NREP: variants seen among roughly 807,000 people sequenced by gnomAD.
NREP encodes the protein neuronal regeneration related protein, also known as neuronal regeneration-related protein.
NREP carries 5 observed loss-of-function variants against 8.6 expected under a neutral mutation model. The observed-to-expected ratio is 0.58, with a 90% CI of 0.30 to 1.22. NREP has a LOEUF of 1.22. NREP is among the 50% of genes most tolerant of loss of function. The probability of loss-of-function intolerance (pLI) is 0.07; values close to 1 mark genes in which losing one functional copy is unlikely to be tolerated. For synonymous variants in NREP, 27 were observed against 28.0 expected, an observed-to-expected ratio of 0.96 and a Z score of 0.11; for missense variants, 86 against 82.5, an observed-to-expected ratio of 1.04 and a Z score of -0.17.
At chr5:111,777,117 A>G (rs2112879026) in intron 2 of NREP, among the ~76,000 whole-genome samples, 1 of 152,166 alleles carries the variant, frequency 6.6e-6, no homozygotes, top group African/African-American at 2.4e-5. Context: ...TTGTTAAGTG[A>G]AAGTATTTCT....
chr5:111,757,686 C>T (rs1464575946), upstream of NREP: 1 of 984,040 alleles, frequency 1.0e-6, no homozygotes, highest in Non-Finnish European at 1.2e-6. Context: ...CCGCGCGGCG[C>T]CCCGGGGAGA....
intron 2 of NREP, among the ~76,000 whole-genome samples, chr5:111,881,597 A>G (rs539528028): frequency 7.9e-5 from 12 of 152,258 alleles, no homozygotes; most frequent in African/African-American, 2.6e-4. Flanking sequence ...GGGCAGACTG[A>G]CACCTCACAC....
intron 2 of NREP, among the ~76,000 whole-genome samples, chr5:111,771,892 A>G (rs1751239070): frequency 6.6e-6 from 1 of 152,204 alleles, no homozygotes; most frequent in African/African-American, 2.4e-5. Context: ...GAACTATATT[A>G]CTTCGATTTT....
chr5:111,872,492 A>T (rs1198802820), intron 2 of NREP, among the ~76,000 whole-genome samples: 2 of 152,102 alleles, frequency 1.3e-5, no homozygotes, highest in African/African-American at 4.8e-5. Context: ...TTGCCACATA[A>T]AATTAATCAT....
At chr5:111,732,005 C>G (rs1418383509) in intron 3 of NREP, 1 of 152,160 alleles carries the variant, frequency 6.6e-6, no homozygotes, top group Non-Finnish European at 1.5e-5. Flanking sequence ...TGACGATGGT[C>G]TCTCTTTCAG....
intron 2 of NREP, among the ~76,000 whole-genome samples, chr5:111,837,788 G>A (rs1752930129): frequency 6.6e-6 from 1 of 151,998 alleles, no homozygotes; most frequent in South Asian, 2.1e-4. Flanking sequence ...TTCATATGGT[G>A]GCAAAGTAGC....
chr5:111,969,266 A>C (rs1756734458), intron 2 of NREP, among the ~76,000 whole-genome samples: 2 of 152,244 alleles, frequency 1.3e-5, no homozygotes, highest in South Asian at 4.1e-4. Flanking sequence ...AAATACACTG[A>C]AAGGGAGAAA....
intron 2 of NREP, among the ~76,000 whole-genome samples, chr5:111,764,511 A>ACT (rs1486014908): frequency 6.6e-6 from 1 of 152,094 alleles, no homozygotes; most frequent in East Asian, 1.9e-4. Context: ...ACTTTATAAA[A>ACT]CCATTAGATC....
intron 2 of NREP, among the ~76,000 whole-genome samples, chr5:111,801,609 A>C (rs925683799): frequency 6.6e-6 from 1 of 152,214 alleles, no homozygotes; most frequent in Non-Finnish European, 1.5e-5. Context: ...CTAGTTTTGC[A>C]GTTTTTCACT....
At chr5:111,887,427 T>C (rs1754288604) in intron 2 of NREP, among the ~76,000 whole-genome samples, 1 of 152,200 alleles carries the variant, frequency 6.6e-6, no homozygotes, top group South Asian at 2.1e-4. Flanking sequence ...AATAAAGTAC[T>C]GTATCCCCAA....
chr5:111,763,792 G>A (rs78222430), intron 2 of NREP, among the ~76,000 whole-genome samples: 3,614 of 152,326 alleles, frequency 0.024, 158 homozygotes, highest in African/African-American at 0.081. Context: ...GTGCGCGCAC[G>A]CGCATGCTTA....
At chr5:111,758,238 C>G, upstream of NREP, 2 of 985,582 alleles carry the variant, frequency 2.0e-6, no homozygotes, top group Non-Finnish European at 2.4e-6. Flanking sequence ...CACGTGCACA[C>G]AGTCACACGC....
intron 2 of NREP, among the ~76,000 whole-genome samples, chr5:111,953,598 T>G (rs2112638874): frequency 6.6e-6 from 1 of 152,178 alleles, no homozygotes; most frequent in South Asian, 2.1e-4. Flanking sequence ...TACAAAAAAT[T>G]TTAAAAAGAC....
intron 2 of NREP, among the ~76,000 whole-genome samples, chr5:111,879,258 C>T (rs1011041482): frequency 5.3e-5 from 8 of 152,128 alleles, no homozygotes; most frequent in Non-Finnish European, 1.2e-4. Context: ...GAGCCAAACA[C>T]ATCTAGTTTT....
intron 2 of NREP, among the ~76,000 whole-genome samples, chr5:111,940,349 T>A (rs1246336887): frequency 6.6e-6 from 1 of 152,068 alleles, no homozygotes; most frequent in Non-Finnish European, 1.5e-5. Context: ...ACCTACTGAT[T>A]ATCAAAGTAC....
chr5:111,817,391 T>A (rs566809092), intron 2 of NREP, among the ~76,000 whole-genome samples: 5 of 152,328 alleles, frequency 3.3e-5, no homozygotes, highest in Non-Finnish European at 7.4e-5. Flanking sequence ...TTAATTTTGA[T>A]GCATGCTGTA....
intron 2 of NREP, among the ~76,000 whole-genome samples, chr5:111,866,957 G>C (rs1288070268): frequency 6.6e-6 from 1 of 150,754 alleles, no homozygotes; most frequent in Non-Finnish European, 1.5e-5. Context: ...AGAACACATG[G>C]ACACAGGAAG....
intron 2 of NREP, among the ~76,000 whole-genome samples, chr5:111,949,790 T>C (rs2112632005): frequency 6.6e-6 from 1 of 152,240 alleles, no homozygotes; most frequent in South Asian, 2.1e-4. Flanking sequence ...TAGTATTCCA[T>C]GGTGTATATG....
intron 2 of NREP, among the ~76,000 whole-genome samples, chr5:111,974,001 C>T (rs893152506): frequency 6.6e-6 from 1 of 152,172 alleles, no homozygotes; most frequent in Non-Finnish European, 1.5e-5. Context: ...TTCTCCAATA[C>T]TGAACATTTT....
Sources: gnomAD v4.1 joint callset for allele counts (sites outside exome capture counted in the v4.1 genomes callset) on GRCh38, gnomAD v4.1.1 for gene constraint, MANE v1.5 for transcripts, NCBI Gene and HGNC (gene_info 2026-07-23, HGNC 2026-07-21) for gene names.